The following SH3D19 variants were observed in gnomAD, a reference collection of about 807,000 sequenced individuals.
The protein encoded by SH3D19 is SH3 domain containing 19, also known as SH3 domain-containing protein 19.
In SH3D19, 58 loss-of-function variants were observed where a neutral mutation model predicts 112.1. The ratio of observed to expected loss-of-function variants is 0.52; its 90% CI spans 0.42 to 0.64. SH3D19 has a LOEUF of 0.64. Ranked by LOEUF, SH3D19 falls within the 30% of genes least tolerant of loss-of-function variation. The pLI is 0.00. For synonymous variants in SH3D19, 391 were observed against 448.5 expected, an observed-to-expected ratio of 0.87 and a Z score of 1.62; for missense variants, 1,090 against 1,263.4, an observed-to-expected ratio of 0.86 and a Z score of 2.08.
intron 1 of SH3D19, among the ~76,000 whole-genome samples, chr4:151,255,130 C>G (rs1270502829): frequency 6.6e-6 from 1 of 150,568 alleles, no homozygotes; most frequent in Non-Finnish European, 1.5e-5. Context: ...GGGGCTGACC[C>G]CCCCCACCTC....
chr4:151,224,677 A>T (rs1032602134), intron 2 of SH3D19, among the ~76,000 whole-genome samples: 8 of 152,162 alleles, frequency 5.3e-5, no homozygotes, highest in Admixed American at 5.2e-4. Context: ...ACAGTTAAGC[A>T]TGCTGTCAAA....
intron 1 of SH3D19, among the ~76,000 whole-genome samples, chr4:151,245,504 G>C (rs754467587): frequency 3.3e-5 from 5 of 152,142 alleles, no homozygotes; most frequent in South Asian, 2.1e-4. Context: ...CCTGTTCCCT[G>C]TAAAAGACCA....
chr4:151,263,330 C>T (rs1436027427), intron 1 of SH3D19, among the ~76,000 whole-genome samples: 2 of 152,108 alleles, frequency 1.3e-5, no homozygotes, highest in African/African-American at 4.8e-5. Flanking sequence ...TAGTTTGCCA[C>T]TTACTTAATC....
intron 1 of SH3D19, among the ~76,000 whole-genome samples, chr4:151,323,495 A>G (rs1225987658): frequency 2.0e-5 from 3 of 152,228 alleles, no homozygotes; most frequent in African/African-American, 7.2e-5. Flanking sequence ...CAGCTTGTAA[A>G]GAAATGTAAA....
chr4:151,285,917 G>C (rs1237250168), intron 1 of SH3D19, among the ~76,000 whole-genome samples: 3 of 151,646 alleles, frequency 2.0e-5, no homozygotes, highest in African/African-American at 7.3e-5. Flanking sequence ...AAAAAAGGCT[G>C]GGTGTGATGG....
chr4:151,201,998 G>A (rs1193204061), intron 2 of SH3D19, among the ~76,000 whole-genome samples: 1 of 143,542 alleles, frequency 7.0e-6, no homozygotes, highest in Non-Finnish European at 1.5e-5. Flanking sequence ...GGCGGTAAGA[G>A]CAAAACTCCA....
At chr4:151,228,118 A>C in intron 1 of SH3D19, 6 of 815,952 alleles carry the variant, frequency 7.4e-6, no homozygotes, top group Non-Finnish European at 8.9e-6. Context: ...ATGTCTTCTC[A>C]TAGCACTTTT....
intron 11 of SH3D19, among the ~76,000 whole-genome samples, chr4:151,147,535 C>G (rs929130139): frequency 1.3e-5 from 2 of 152,202 alleles, no homozygotes; most frequent in Non-Finnish European, 2.9e-5. Context: ...AATCTTGGCT[C>G]ACTGCAACCT....
intron 1 of SH3D19, among the ~76,000 whole-genome samples, chr4:151,320,214 A>G (rs1424077012): frequency 2.6e-5 from 4 of 152,236 alleles, no homozygotes; most frequent in Non-Finnish European, 4.4e-5. Flanking sequence ...ATCAAAATAT[A>G]GAAAGAGTAA....
intron 2 of SH3D19, among the ~76,000 whole-genome samples, 192 bp downstream of exon 2, chr4:151,225,855 T>C (rs1331029321): frequency 6.6e-6 from 1 of 152,160 alleles, no homozygotes; most frequent in Non-Finnish European, 1.5e-5. Flanking sequence ...AAACATGTTT[T>C]CCAGGTAGTC....
chr4:151,136,493 G>A (rs1359661967), intron 14 of SH3D19, among the ~76,000 whole-genome samples: 1 of 152,216 alleles, frequency 6.6e-6, no homozygotes, highest in Non-Finnish European at 1.5e-5. Context: ...CTCAGTAGAG[G>A]AGGGCTGGGT....
intron 1 of SH3D19, among the ~76,000 whole-genome samples, chr4:151,315,257 G>A (rs1729877858): frequency 6.6e-6 from 1 of 152,156 alleles, no homozygotes; most frequent in Admixed American, 6.5e-5. Flanking sequence ...GACTAAATGA[G>A]AAAAACACAC....
At chr4:151,296,075 G>A (rs1024389219) in intron 1 of SH3D19, among the ~76,000 whole-genome samples, 3 of 150,710 alleles carry the variant, frequency 2.0e-5, no homozygotes, top group East Asian at 1.9e-4. Flanking sequence ...AAAGAAAATC[G>A]TTTTTAAGAG....
intron 1 of SH3D19, among the ~76,000 whole-genome samples, chr4:151,234,398 A>G (rs1769847949): frequency 6.6e-6 from 1 of 152,068 alleles, no homozygotes; most frequent in South Asian, 2.1e-4. Context: ...CTGCAGGGTG[A>G]ATTTGGTAGA....
At chr4:151,161,636 A>C (rs71635791) in intron 8 of SH3D19, among the ~76,000 whole-genome samples, 1 of 146,236 alleles carries the variant, frequency 6.8e-6, no homozygotes, top group Non-Finnish European at 1.5e-5. Flanking sequence ...ATATATATAT[A>C]TATATTTTAA....
chr4:151,246,456 G>A (rs1181728640), intron 1 of SH3D19, among the ~76,000 whole-genome samples: 1 of 152,070 alleles, frequency 6.6e-6, no homozygotes, highest in Non-Finnish European at 1.5e-5. Flanking sequence ...GGTAGGAGTG[G>A]GTATGATCTT....
intron 1 of SH3D19, among the ~76,000 whole-genome samples, chr4:151,274,491 A>G (rs1241563952): frequency 6.6e-6 from 1 of 152,218 alleles, no homozygotes; most frequent in Non-Finnish European, 1.5e-5. Context: ...GCCAAATAAG[A>G]CGTCTTGGGA....
intron 1 of SH3D19, among the ~76,000 whole-genome samples, chr4:151,260,476 A>G (rs1339008080): frequency 1.3e-5 from 2 of 152,208 alleles, no homozygotes; most frequent in African/African-American, 2.4e-5. Context: ...CACCTTCCAC[A>G]TGCAATGCAT....
chr4:151,315,827 A>G (rs1729928170), intron 1 of SH3D19, among the ~76,000 whole-genome samples: 3 of 152,158 alleles, frequency 2.0e-5, no homozygotes, highest in Admixed American at 2.0e-4. Context: ...AATTTCTAAA[A>G]AAGTATGTAG....
Sources: allele counts gnomAD v4.1 joint callset (sites outside exome capture counted in the v4.1 genomes callset), GRCh38; gene constraint gnomAD v4.1.1; transcripts MANE v1.5; gene names NCBI Gene and HGNC (gene_info 2026-07-23, HGNC 2026-07-21).